Variants in SIAH3 observed in about 807,000 individuals in gnomAD.
SIAH3 encodes the protein siah E3 ubiquitin protein ligase family member 3.
Under a neutral mutation model 12.6 loss-of-function variants are expected in SIAH3, and 9 were observed. The observed-to-expected ratio is 0.72, with a 90% CI of 0.43 to 1.25. SIAH3 has a LOEUF of 1.25. Ranked by LOEUF, SIAH3 falls within the 50% of genes most tolerant of loss-of-function variation. The pLI, the probability that SIAH3 is intolerant of heterozygous loss-of-function variation, is 0.00. For missense variants in SIAH3, 390 were observed against 365.4 expected, an observed-to-expected ratio of 1.07 and a Z score of -0.55; for synonymous variants, 154 against 151.1, an observed-to-expected ratio of 1.02 and a Z score of -0.14.
At chr13:45,831,087 G>T (rs1243213632) in intron 1 of SIAH3, among the ~76,000 whole-genome samples, 1 of 152,052 alleles carries the variant, frequency 6.6e-6, no homozygotes, top group East Asian at 1.9e-4. Flanking sequence ...ACTGAGGCAA[G>T]AGAATAGCTT....
chr13:45,822,752 T>C (rs1950660766), intron 1 of SIAH3, among the ~76,000 whole-genome samples: 1 of 151,976 alleles, frequency 6.6e-6, no homozygotes, highest in Non-Finnish European at 1.5e-5. Flanking sequence ...GTTTGGGAGC[T>C]GGGTGTGCCG....
At chr13:45,844,953 C>T (rs892860261) in intron 1 of SIAH3, among the ~76,000 whole-genome samples, 1 of 152,346 alleles carries the variant, frequency 6.6e-6, no homozygotes, top group East Asian at 1.9e-4. Context: ...TTGTAGACCA[C>T]AACCACTCTC....
chr13:45,832,984 A>G (rs1239813110), intron 1 of SIAH3, among the ~76,000 whole-genome samples: 1 of 152,202 alleles, frequency 6.6e-6, no homozygotes, highest in African/African-American at 2.4e-5. Context: ...TGGGTAGTTG[A>G]AAGAATTCGG....
intron 1 of SIAH3, among the ~76,000 whole-genome samples, chr13:45,834,504 A>C (rs1265244056): frequency 6.6e-6 from 1 of 152,146 alleles, no homozygotes; most frequent in Non-Finnish European, 1.5e-5. Context: ...ATAGGAAACC[A>C]ATAGGAAGAT....
rs144736321 is a variant in SIAH3 at position 45,812,927 on chromosome 13, C to T, written c.136-28870G>A. On this transcript the variant is annotated intron_variant, in intron 1 of 1. Coordinates refer to ENST00000400405, the MANE Select transcript of SIAH3 (RefSeq NM_198849.3). The stretch of plus-strand genomic sequence containing the variant: ...ATAAAGGTGCAAGTCTCCTCCTGGG[C>T]TGGAAATGTGAGGCCGTGTCTTCCC... 7.0e-3 allele frequency among the ~76,000 whole-genome samples: 1,060 copies of T among 152,356 alleles called. 10 individuals carry two copies. Among genetic ancestry groups the T allele is most frequent in the African/African-American group, 0.024 (999 of 41,580 alleles).
chr13:45,795,172 A>C (rs1426832697), intron 1 of SIAH3, among the ~76,000 whole-genome samples: 1 of 152,218 alleles, frequency 6.6e-6, no homozygotes. Flanking sequence ...AGAGATCCAG[A>C]GGTAATTTTT....
chr13:45,818,364 T>C (rs1200159756), intron 1 of SIAH3, among the ~76,000 whole-genome samples: 1 of 152,252 alleles, frequency 6.6e-6, no homozygotes, highest in Non-Finnish European at 1.5e-5. Context: ...GCTATTTTCA[T>C]GCATCTAGTT....
rs59950302 is a variant in SIAH3, at chr13:45,780,710, C to T, written c.*2673G>A. 0.016 allele frequency: 2,401 copies of T among 152,326 alleles called. 66 individuals carry two copies. The highest frequency in any genetic ancestry group is 0.055 in the African/African-American group (2,267 of 41,546). The allele number at this position is 152,326 out of a possible 1,614,324, so 9.4% of individuals were successfully genotyped here. ...AAGCTGGCAAGACTGCTGAATATTTCGGATCAGTCTTACTTCAAGAACACC... is the reference window on the plus strand; with the variant it reads ...AAGCTGGCAAGACTGCTGAATATTTTGGATCAGTCTTACTTCAAGAACACC... On this transcript the variant is annotated 3_prime_UTR_variant, in exon 2 of 2. Transcript: ENST00000400405.
intron 1 of SIAH3, among the ~76,000 whole-genome samples, chr13:45,808,714 T>TTTC (rs34545818): frequency 0.87 from 131,977 of 152,018 alleles, 57,487 homozygotes; most frequent in East Asian, 0.99. Context: ...CGTGCATACT[T>TTTC]TTATCTACCA....
chr13:45,780,269 CT>C lies in SIAH3; in HGVS notation c.*3113del, dbSNP rs59657933. The C allele has an allele frequency of 0.84, 124,184 of 147,048 alleles. 52,323 individuals are homozygous for C. Among genetic ancestry groups the C allele is most frequent in the Middle Eastern group, 0.87 (246 of 284 alleles). 9.1% of individuals were successfully genotyped at this position (147,048 alleles called of 1,614,324 possible). A position where few individuals can be genotyped will look rare whatever the true frequency, so the allele number is the denominator to read the frequency against. On this transcript the variant is annotated 3_prime_UTR_variant, in exon 2 of 2. Transcript: ENST00000400405. ...CCCCCTGCTTCCAGGTGGACTAGTG[CT>C]TTTTTTTTTTTTCTAAAGAGATAGG...
At chr13:45,802,308 C>CA (rs71184428) in intron 1 of SIAH3, among the ~76,000 whole-genome samples, 1 of 151,788 alleles carries the variant, frequency 6.6e-6, no homozygotes, top group African/African-American at 2.4e-5. Context: ...TCCATCTCAA[C>CA]AAAAAATAAA....
chr13:45,827,986 C>T (rs955618728), intron 1 of SIAH3, among the ~76,000 whole-genome samples: 26 of 152,136 alleles, frequency 1.7e-4, no homozygotes, highest in East Asian at 1.9e-4. Context: ...ATTTTAACAA[C>T]GAGGCCCACA....
intron 1 of SIAH3, among the ~76,000 whole-genome samples, chr13:45,787,468 G>C (rs910633943): frequency 6.6e-6 from 1 of 152,172 alleles, no homozygotes; most frequent in Non-Finnish European, 1.5e-5. Flanking sequence ...TACACCAGGG[G>C]CTCTGAGAGC....
intron 1 of SIAH3, among the ~76,000 whole-genome samples, chr13:45,788,680 T>C (rs1950535642): frequency 6.6e-6 from 1 of 152,172 alleles, no homozygotes; most frequent in African/African-American, 2.4e-5. Context: ...GAAACCTGCC[T>C]CTGGAAATAC....
At chr13:45,795,778 C>A (rs141663379) in intron 1 of SIAH3, among the ~76,000 whole-genome samples, 1 of 152,086 alleles carries the variant, frequency 6.6e-6, no homozygotes, top group African/African-American at 2.4e-5. Context: ...AACCTGCACA[C>A]GAATGTTTAC....
chr13:45,851,118 G>T (rs951643678), intron 1 of SIAH3, among the ~76,000 whole-genome samples: 4 of 150,524 alleles, frequency 2.7e-5, no homozygotes, highest in Non-Finnish European at 4.4e-5. Flanking sequence ...GAGAGAATTT[G>T]GCTAACTTCA....
rs145237485 is a variant in SIAH3, at chr13:45,835,867, C to T, written c.135+15628G>A. 2.4e-4 allele frequency among the ~76,000 whole-genome samples: 36 copies of T among 152,346 alleles called. No individual in the cohort carries two copies. The East Asian group carries it at 6.9e-3, about 29-fold the overall frequency. The stretch of plus-strand genomic sequence containing the variant: ...TATCACGTTTCTGCCTTAGAGCACG[C>T]TTTGGGAGACGCCTGATTCTTTCCC... On this transcript the variant is annotated intron_variant, in intron 1 of 1. Coordinates refer to ENST00000400405, the MANE Select transcript of SIAH3 (RefSeq NM_198849.3).
At chr13:45,822,533 A>ATATATATATATATATATATATATC in intron 1 of SIAH3, among the ~76,000 whole-genome samples, 1 of 109,126 alleles carries the variant, frequency 9.2e-6, no homozygotes, top group African/African-American at 3.3e-5. Context: ...ATATATATAT[A>ATATATATATATATATATATATATC]TATATATATA....
In SIAH3 at chr13:45,778,738, C is replaced by T. The variant is rs1950493099; in HGVS notation, c.*4645G>A. 6.7e-6 allele frequency: 1 copy of T among 149,122 alleles called. No homozygotes were observed. Among genetic ancestry groups the T allele is most frequent in the African/African-American group, 2.5e-5 (1 of 40,318 alleles). The allele number at this position is 149,122 out of a possible 1,614,324, so 9.2% of individuals were successfully genotyped here. A position where few individuals can be genotyped will look rare whatever the true frequency, so the allele number is the denominator to read the frequency against. On this transcript the variant is annotated 3_prime_UTR_variant, in exon 2 of 2. Coordinates refer to ENST00000400405, the MANE Select transcript of SIAH3 (RefSeq NM_198849.3). ...CCACCAACTGTGAATCAAGAATATT[C>T]AGGAAAAAAAAAAGAAATAATACAA...
Sources: allele counts gnomAD v4.1 joint callset (sites outside exome capture counted in the v4.1 genomes callset), GRCh38; gene constraint gnomAD v4.1.1; transcripts MANE v1.5; gene names NCBI Gene and HGNC (gene_info 2026-07-23, HGNC 2026-07-21).